The following MTMR3 variants were observed in gnomAD, a reference collection of about 807,000 sequenced individuals.
MTMR3 encodes the protein phosphatidylinositol-3,5-bisphosphate 3-phosphatase MTMR3.
A neutral mutation model predicts 132.4 loss-of-function variants in MTMR3; 32 were observed. The observed-to-expected ratio is 0.24, with a 90% CI of 0.18 to 0.32. The LOEUF (loss-of-function observed/expected upper bound fraction) is 0.32. Ranked by LOEUF, MTMR3 falls within the 10% of genes least tolerant of loss-of-function variation. MTMR3 has a pLI of 1.00. For missense variants in MTMR3, 1,216 were observed against 1,489.6 expected (o/e 0.82, Z 3.02); for synonymous variants, 556 against 550.3 (o/e 1.01, Z -0.14).
intron 14 of MTMR3, chr22:30,015,787 T>TA (rs1156282685): frequency 1.1e-4 from 17 of 152,222 alleles, no homozygotes; most frequent in African/African-American, 3.9e-4. Context: ...GTTACCTCTC[T>TA]AGGTTCATTT....
intron 15 of MTMR3, 150 bp downstream of exon 15, chr22:30,016,848 C>A: frequency 1.1e-6 from 1 of 913,214 alleles, no homozygotes; most frequent in Non-Finnish European, 1.6e-6. Context: ...ATGATTCTGT[C>A]CTGAGGAAGG....
At chr22:29,899,345 G>A (rs2064962186) in intron 1 of MTMR3, among the ~76,000 whole-genome samples, 1 of 152,088 alleles carries the variant, frequency 6.6e-6, no homozygotes, top group African/African-American at 2.4e-5. Flanking sequence ...GAGCCATTGT[G>A]CCCAGCCAGA....
At chr22:30,023,903 T>C in intron 19 of MTMR3, 1 of 173,850 alleles carries the variant, frequency 5.8e-6, no homozygotes, top group Non-Finnish European at 1.2e-5. Flanking sequence ...AGACCAGGAC[T>C]GAACAGAGGT....
At chr22:30,005,525 G>A (rs1301694462) in intron 9 of MTMR3, 1 of 152,154 alleles carries the variant, frequency 6.6e-6, no homozygotes, top group Admixed American at 6.5e-5. Context: ...CAGCTCAGTG[G>A]TTGCCTGTTA....
chr22:29,991,841 G>T, intron 7 of MTMR3, 171 bp downstream of exon 7: 1 of 612,396 alleles, frequency 1.6e-6, no homozygotes, highest in Middle Eastern at 4.5e-4. Context: ...CATCTTTTCT[G>T]CCTTCCGGGG....
intron 1 of MTMR3, among the ~76,000 whole-genome samples, chr22:29,906,282 G>GTCTATCTA (rs1330766461): frequency 2.9e-3 from 255 of 87,814 alleles, no homozygotes; most frequent in Non-Finnish European, 4.6e-3. Context: ...CTGTCTGTCT[G>GTCTATCTA]TCTGTCTATC....
At position 30,022,633 on chromosome 22, in the gene MTMR3, C is replaced by G; in HGVS notation, c.3361C>G (p.Leu1121Val). Residue 1121 changes from leucine to valine, a missense_variant, in exon 19 of 20, where the codon CTG becomes GTG. By Grantham distance (32) the Leu-to-Val change is conservative. Around this residue, in one of 7 missense-constraint regions of MTMR3, gnomAD observed 852 missense variants for 852.0 expected, o/e 1.00. Transcript: ENST00000401950. ...GATGACCCGTTGGCTTCCTGACCAC[C>G]TGGCCGCCCACTGCTATGCGTGCGA... ...TEMTRWLPDH[L>V]AAHCYACDSA... 4 of 1,613,014 alleles carry G rather than the reference C, an allele frequency of 2.5e-6. No individual in the cohort carries two copies. The highest frequency in any genetic ancestry group is 2.5e-6 in the Non-Finnish European group (3 of 1,180,004).
At chr22:29,932,889 T>A (rs1218437131) in intron 1 of MTMR3, among the ~76,000 whole-genome samples, 2 of 152,216 alleles carry the variant, frequency 1.3e-5, no homozygotes, top group East Asian at 3.8e-4. Context: ...ATTTTTTCCC[T>A]GAATCATTTT....
At chr22:29,893,100 A>G (rs2064829491) in intron 1 of MTMR3, among the ~76,000 whole-genome samples, 1 of 152,180 alleles carries the variant, frequency 6.6e-6, no homozygotes. Context: ...TAAGCTGTCA[A>G]TATTTGTGGA....
chr22:30,021,973 C>G, intron 17 of MTMR3, 56 bp from the exon 18 acceptor site: 1 of 1,439,368 alleles, frequency 6.9e-7, no homozygotes, highest in Non-Finnish European at 9.8e-7. Context: ...CAGGCCTTTT[C>G]TTCTTTTGGG....
At chr22:29,981,038 G>A (rs1037934412) in intron 5 of MTMR3, 2 of 152,240 alleles carry the variant, frequency 1.3e-5, no homozygotes, top group African/African-American at 4.8e-5. Context: ...TCAAAATTCA[G>A]TTCAGGTGAT....
intron 5 of MTMR3, chr22:29,984,304 T>C (rs1251148955): frequency 6.6e-6 from 1 of 152,230 alleles, no homozygotes; most frequent in African/African-American, 2.4e-5. Flanking sequence ...TATCCCACTC[T>C]AGATTCTGGT....
At chr22:29,897,959 A>G (rs2048285822) in intron 1 of MTMR3, among the ~76,000 whole-genome samples, 1 of 152,138 alleles carries the variant, frequency 6.6e-6, no homozygotes, top group South Asian at 2.1e-4. Context: ...GAAAAATGAC[A>G]TGTTGATATA....
intron 5 of MTMR3, chr22:29,979,604 CAG>C (rs1219341848): frequency 6.2e-6 from 1 of 160,370 alleles, no homozygotes; most frequent in African/African-American, 2.4e-5. Flanking sequence ...TTTAGTTTAA[CAG>C]TGAATGATTT....
chr22:30,014,894 T>C (rs1250169341), intron 14 of MTMR3: 2 of 152,360 alleles, frequency 1.3e-5, no homozygotes, highest in East Asian at 3.9e-4. Context: ...TTTCATCCAT[T>C]CTAGTGGCTT....
chr22:29,911,416 G>A (rs1354857245), intron 1 of MTMR3, among the ~76,000 whole-genome samples: 2 of 152,018 alleles, frequency 1.3e-5, no homozygotes. Context: ...GGTAGCACAC[G>A]CCTGTGGTCC....
At chr22:29,937,235 C>G (rs1452166948) in intron 1 of MTMR3, among the ~76,000 whole-genome samples, 2 of 152,064 alleles carry the variant, frequency 1.3e-5, no homozygotes, top group Admixed American at 1.3e-4. Flanking sequence ...GATACTGACT[C>G]TTTAAATGGC....
intron 1 of MTMR3, among the ~76,000 whole-genome samples, chr22:29,884,121 A>G (rs1389695266): frequency 2.0e-5 from 3 of 152,154 alleles, no homozygotes; most frequent in African/African-American, 7.2e-5. Context: ...ACTCCCCTGG[A>G]ATTTGATAAT....
chr22:30,020,573 C>T lies in MTMR3; in HGVS notation c.2914C>T (p.Arg972Cys), dbSNP rs368181160. The T allele has an allele frequency of 1.8e-5, 29 of 1,614,060 alleles. No homozygotes were observed. The highest frequency in any genetic ancestry group is 1.2e-4 in the South Asian group (11 of 91,088). Residue 972 changes from arginine to cysteine, a missense_variant, in exon 17 of 20, where the codon CGT becomes TGT. This residue lies in a region of MTMR3 where 852 missense variants were observed against 852.0 expected (regional missense o/e 1.00). Transcript: ENST00000401950. ...TGGTAGGAGCAAGGACTCACTGAGC[C>T]GTCAGCTGTCTGCTATGAGCTGCAG... The part of the protein sequence containing the change: ...EAGRSKDSLS[R>C]QLSAMSCSSA...
Sources: allele counts gnomAD v4.1 joint callset (sites outside exome capture counted in the v4.1 genomes callset), GRCh38; gene constraint gnomAD v4.1.1; regional missense constraint gnomAD v4.1.1; transcripts MANE v1.5; gene names NCBI Gene and HGNC (gene_info 2026-07-23, HGNC 2026-07-21).